TMTC2: variants seen among roughly 807,000 people sequenced by gnomAD.
TMTC2 encodes the protein protein O-mannosyl-transferase TMTC2.
A neutral mutation model predicts 82.4 loss-of-function variants in TMTC2; 43 were observed. That is an observed-to-expected ratio of 0.52 (90% CI 0.41 to 0.67). The LOEUF (loss-of-function observed/expected upper bound fraction) is 0.67. TMTC2 is among the 30% of genes least tolerant of loss of function. The pLI, the probability that TMTC2 is intolerant of heterozygous loss-of-function variation, is 0.00. For missense variants in TMTC2, 919 were observed against 1,012.4 expected, an observed-to-expected ratio of 0.91 and a Z score of 1.25; for synonymous variants, 408 against 381.9, an observed-to-expected ratio of 1.07 and a Z score of -0.80.
intron 1 of TMTC2, among the ~76,000 whole-genome samples, chr12:82,721,893 C>G (rs909607297): frequency 1.3e-5 from 2 of 152,150 alleles, no homozygotes; most frequent in Non-Finnish European, 2.9e-5. Context: ...ATATTATCTT[C>G]AGTTTAGAAA....
chr12:82,951,829 G>A (rs1292827114), intron 4 of TMTC2, among the ~76,000 whole-genome samples: 2 of 152,038 alleles, frequency 1.3e-5, no homozygotes, highest in African/African-American at 4.8e-5. Context: ...CTCTATTAGT[G>A]CTTTTCTATC....
intron 2 of TMTC2, among the ~76,000 whole-genome samples, chr12:82,869,539 C>A (rs1047264903): frequency 1.4e-4 from 21 of 152,080 alleles, no homozygotes; most frequent in Non-Finnish European, 2.6e-4. Flanking sequence ...CACAACACCA[C>A]CCTCTTAAAA....
rs1218623657 is a variant in TMTC2, at chr12:82,856,968, C to T, written c.84-42C>T. ...TCAATGTCATATTTTTTCTTTCTTT[C>T]TGTGTTTTACATTTGATTTTTTTTA... On this transcript the variant is annotated intron_variant, in intron 1 of 11. Transcript: ENST00000321196. 3.9e-6 allele frequency: 6 copies of T among 1,544,860 alleles called. No homozygotes were observed. The Admixed American group carries it at 7.7e-5, about 20-fold the overall frequency.
chr12:82,980,910 C>T (rs1878887055), intron 7 of TMTC2, among the ~76,000 whole-genome samples: 1 of 151,812 alleles, frequency 6.6e-6, no homozygotes, highest in Non-Finnish European at 1.5e-5. Flanking sequence ...TTCATACATA[C>T]CCCACATTTT....
chr12:82,794,221 G>C (rs1040575053), intron 1 of TMTC2, among the ~76,000 whole-genome samples: 4 of 152,060 alleles, frequency 2.6e-5, no homozygotes, highest in African/African-American at 7.2e-5. Context: ...TGACTCCTGG[G>C]GCGCCCTCCT....
rs116036985 is a variant in TMTC2, at chr12:83,013,941, C to T, written c.2071-16857C>T. On this transcript the variant is annotated intron_variant, in intron 8 of 11. Transcript: ENST00000321196. ...GTCTCCAGTATATACATGAGTTTTC[C>T]AGTTTGATCAAAAAAGCCCTACATT... is the stretch of plus-strand genomic sequence containing the variant. Among the ~76,000 whole-genome samples the T allele has an allele frequency of 2.7e-3, 406 of 152,240 alleles. 4 individuals carry two copies. The highest frequency in any genetic ancestry group is 9.0e-3 in the African/African-American group (375 of 41,550).
At chr12:82,966,870 C>T (rs754630896) in intron 6 of TMTC2, 49 bp from the exon 7 acceptor site, 33 of 1,325,762 alleles carry the variant, frequency 2.5e-5, no homozygotes, top group Non-Finnish European at 3.5e-5. Flanking sequence ...CAGTGACGAT[C>T]CCTGCACTTT....
At chr12:83,059,671 C>T (rs1270678988) in intron 10 of TMTC2, among the ~76,000 whole-genome samples, 1 of 151,604 alleles carries the variant, frequency 6.6e-6, no homozygotes, top group Non-Finnish European at 1.5e-5. Context: ...CTGAATAATA[C>T]GAAGACTTTA....
At chr12:83,023,601 G>A (rs1881032209) in intron 8 of TMTC2, among the ~76,000 whole-genome samples, 1 of 152,224 alleles carries the variant, frequency 6.6e-6, no homozygotes, top group Admixed American at 6.5e-5. Context: ...TGATGGCTCT[G>A]CAGTGGCACT....
chr12:83,033,188 CCATAATTGAGTG>C (rs1478146003), intron 9 of TMTC2, among the ~76,000 whole-genome samples: 1 of 152,016 alleles, frequency 6.6e-6, no homozygotes, highest in Non-Finnish European at 1.5e-5. Flanking sequence ...GATGAGAAGG[CCATAATTGAGTG>C]CGTGAGATTC....
intron 2 of TMTC2, among the ~76,000 whole-genome samples, chr12:82,865,058 C>CA (rs1373298523): frequency 0.22 from 18,803 of 84,330 alleles, 2,658 homozygotes; most frequent in African/African-American, 0.41. Flanking sequence ...ACTAAAAATA[C>CA]AAAAAAAAAA....
At chr12:82,728,357 GT>G in intron 1 of TMTC2, among the ~76,000 whole-genome samples, 1 of 150,840 alleles carries the variant, frequency 6.6e-6, no homozygotes, top group Middle Eastern at 3.4e-3. Flanking sequence ...GTTTTTTTTT[GT>G]TTTTGTTTTT....
chr12:82,927,289 C>T (rs1422203025), intron 3 of TMTC2, among the ~76,000 whole-genome samples: 1 of 152,160 alleles, frequency 6.6e-6, no homozygotes, highest in East Asian at 1.9e-4. Context: ...GGGCTCAAGA[C>T]TGCAGTGGAG....
At chr12:82,937,054 T>C (rs959437417) in intron 4 of TMTC2, among the ~76,000 whole-genome samples, 1 of 152,332 alleles carries the variant, frequency 6.6e-6, no homozygotes, top group Admixed American at 6.5e-5. Flanking sequence ...CTTTCTTGAA[T>C]TGGACATTTG....
chr12:82,922,470 T>G (rs1257742684), intron 3 of TMTC2, among the ~76,000 whole-genome samples: 1 of 152,194 alleles, frequency 6.6e-6, no homozygotes, highest in East Asian at 1.9e-4. Flanking sequence ...ACCTTAATTT[T>G]ATTTTGTTTC....
intron 3 of TMTC2, among the ~76,000 whole-genome samples, chr12:82,920,376 A>G (rs143081795): frequency 6.6e-6 from 1 of 152,298 alleles, no homozygotes; most frequent in South Asian, 2.1e-4. Context: ...ATTGTAGCAG[A>G]TCACAGCATT....
chr12:83,110,220 C>T (rs1242617721), intron 11 of TMTC2, among the ~76,000 whole-genome samples: 1 of 152,136 alleles, frequency 6.6e-6, no homozygotes, highest in Non-Finnish European at 1.5e-5. Context: ...TTCAAACCAA[C>T]CTCTTCATTT....
At chr12:82,976,527 C>A (rs1341047189) in intron 7 of TMTC2, among the ~76,000 whole-genome samples, 1 of 151,972 alleles carries the variant, frequency 6.6e-6, no homozygotes, top group African/African-American at 2.4e-5. Flanking sequence ...TGAATCTTTT[C>A]CTAACTTTTC....
At chr12:83,052,379 C>T (rs749538799) in intron 10 of TMTC2, among the ~76,000 whole-genome samples, 1 of 152,004 alleles carries the variant, frequency 6.6e-6, no homozygotes, top group Non-Finnish European at 1.5e-5. Flanking sequence ...AAAGCTGACA[C>T]CTACAAAGGG....
Sources: allele counts gnomAD v4.1 joint callset (sites outside exome capture counted in the v4.1 genomes callset), GRCh38; gene constraint gnomAD v4.1.1; transcripts MANE v1.5; gene names NCBI Gene and HGNC (gene_info 2026-07-23, HGNC 2026-07-21).